Variants in FBXL13 observed in about 807,000 individuals in gnomAD.
FBXL13 encodes the protein F-box and leucine-rich repeat protein 13.
FBXL13 carries 67 observed loss-of-function variants against 83.6 expected under a neutral mutation model. The ratio of observed to expected loss-of-function variants is 0.80; its 90% CI spans 0.66 to 0.98. FBXL13 has a LOEUF of 0.98. Among genes scored for constraint, FBXL13 ranks in the 50% least tolerant of loss-of-function variants. The pLI is 0.00. For synonymous variants in FBXL13, 272 were observed against 299.5 expected, an observed-to-expected ratio of 0.91 and a Z score of 0.95; for missense variants, 822 against 866.5, an observed-to-expected ratio of 0.95 and a Z score of 0.64.
intron 16 of FBXL13, among the ~76,000 whole-genome samples, chr7:102,868,799 C>G (rs1256338600): frequency 6.6e-6 from 1 of 152,222 alleles, no homozygotes; most frequent in African/African-American, 2.4e-5. Context: ...TCCCAAGTAG[C>G]TGGGATCACA....
intron 16 of FBXL13, among the ~76,000 whole-genome samples, chr7:102,869,885 C>A (rs895662769): frequency 6.6e-6 from 1 of 152,054 alleles, no homozygotes; most frequent in Non-Finnish European, 1.5e-5. Context: ...AAGGTGAGTA[C>A]GAGAAACAGT....
At position 102,967,270 on chromosome 7, in the gene FBXL13, C is replaced by CTTT. The variant is rs56060851; in HGVS notation, c.591+749_591+751dup. Among the ~76,000 whole-genome samples the CTTT allele has an allele frequency of 4.6e-3, 691 of 148,904 alleles. 8 individuals carry two copies. The highest frequency in any genetic ancestry group is 0.016 in the African/African-American group (636 of 39,990). On this transcript the variant is annotated intron_variant, in intron 7 of 19. Transcript: ENST00000313221. ...ACTGCACCCAGCCAATCCTCTCTTT[C>CTTT]TTTTTTTTTTTTTTTTGAATGATAC...
At chr7:103,038,720 C>T (rs1034583274) in intron 2 of FBXL13, among the ~76,000 whole-genome samples, 1 of 152,206 alleles carries the variant, frequency 6.6e-6, no homozygotes, top group Non-Finnish European at 1.5e-5. Context: ...AGACTGGCAG[C>T]TCAGGGGTCT....
chr7:102,876,371 G>C (rs1188176570), intron 16 of FBXL13, among the ~76,000 whole-genome samples: 1 of 152,102 alleles, frequency 6.6e-6, no homozygotes, highest in Non-Finnish European at 1.5e-5. Context: ...GCCATAATGA[G>C]TTGACTCCAT....
At chr7:102,989,254 GATA>G (rs1186534551) in intron 6 of FBXL13, among the ~76,000 whole-genome samples, 1 of 152,206 alleles carries the variant, frequency 6.6e-6, no homozygotes, top group East Asian at 1.9e-4. Flanking sequence ...AGAAACAAAA[GATA>G]ATGAGGCCGC....
chr7:103,016,126 C>T (rs931001942), intron 6 of FBXL13, among the ~76,000 whole-genome samples: 1 of 152,102 alleles, frequency 6.6e-6, no homozygotes, highest in African/African-American at 2.4e-5. Context: ...TATCAAACTA[C>T]CAATGACATT....
At position 102,926,376 on chromosome 7, in the gene FBXL13, T is replaced by C. The variant is rs780884850; in HGVS notation, c.778-2A>G. On this transcript the variant is annotated splice_acceptor_variant, in intron 9 of 19. Coordinates refer to ENST00000313221, the Ensembl canonical transcript of FBXL13. LOFTEE classifies it high-confidence loss of function. ...AGAAATGTGTCTCATTGATTCATCC[T>C]GCATGAAAAACAGAGGGAAGAGGCT... is the stretch of plus-strand genomic sequence containing the variant. 2 of 1,611,354 alleles carry C rather than the reference T, an allele frequency of 1.2e-6. No individual in the cohort carries two copies. The highest frequency in any genetic ancestry group is 1.7e-6 in the Non-Finnish European group (2 of 1,178,610).
chr7:102,956,232 T>C (rs10953375), intron 8 of FBXL13, among the ~76,000 whole-genome samples: 147,900 of 152,220 alleles, frequency 0.97, 72,009 homozygotes, highest in East Asian at 1. Context: ...GTTCAACATA[T>C]GCAAATCAAT....
intron 8 of FBXL13, chr7:102,944,694 C>T (rs1822147379): frequency 1.7e-6 from 2 of 1,201,712 alleles, no homozygotes; most frequent in Admixed American, 2.6e-5. Context: ...AACTGTGTTG[C>T]CTATTTATGC....
chr7:103,013,497 A>G (rs1791887424), intron 6 of FBXL13, among the ~76,000 whole-genome samples: 1 of 152,252 alleles, frequency 6.6e-6, no homozygotes, highest in Non-Finnish European at 1.5e-5. Context: ...AAAGCATACA[A>G]TTACATGGAA....
intron 8 of FBXL13, chr7:102,936,352 G>C (rs1272824030): frequency 6.6e-6 from 1 of 152,176 alleles, no homozygotes; most frequent in Non-Finnish European, 1.5e-5. Context: ...AGTGAATCTT[G>C]GTCTATCTGA....
At chr7:102,932,483 G>C (rs1021523219) in intron 8 of FBXL13, among the ~76,000 whole-genome samples, 1 of 9,198 alleles carries the variant, frequency 1.1e-4, no homozygotes, top group Non-Finnish European at 3.0e-4. Context: ...GCAGACACCA[G>C]TACACTTCCC....
At chr7:102,826,064 A>G (rs1015893265) in intron 18 of FBXL13, among the ~76,000 whole-genome samples, 8 of 152,088 alleles carry the variant, frequency 5.3e-5, no homozygotes, top group Non-Finnish European at 2.9e-5. Context: ...TTTTAGTAGG[A>G]CCTCTTTATA....
chr7:102,924,724 CTCCGCCTCCTGGGT>C (rs1817740806), intron 10 of FBXL13, among the ~76,000 whole-genome samples: 2 of 148,198 alleles, frequency 1.3e-5, no homozygotes, highest in Admixed American at 1.4e-4. Flanking sequence ...TCACTGCAAG[CTCCGCCTCCTGGGT>C]TCATGCCATT....
chr7:102,897,314 G>T (rs940449175), intron 11 of FBXL13, among the ~76,000 whole-genome samples: 8 of 151,966 alleles, frequency 5.3e-5, no homozygotes, highest in Admixed American at 5.3e-4. Context: ...GTGCTTAAGG[G>T]ATTGAGAGAT....
At chr7:102,854,377 G>C (rs922312604) in intron 17 of FBXL13, among the ~76,000 whole-genome samples, 2 of 152,072 alleles carry the variant, frequency 1.3e-5, no homozygotes, top group Non-Finnish European at 2.9e-5. Context: ...GTTGTGGGGT[G>C]GGGGGAGAGG....
Position 103,030,140 on chromosome 7 carries a change from G to A in FBXL13, c.1-722C>T, listed in dbSNP as rs989956089. ...TATGGTCACATCTATTTGGTGTATA[G>A]GTAAGTTTGGTTCAAATCTATACCA... On this transcript the variant is annotated intron_variant, in intron 2 of 19. Transcript: ENST00000313221. 2.0e-5 allele frequency: 3 copies of A among 152,192 alleles called. No homozygotes were observed. In the East Asian group the frequency reaches 5.8e-4, roughly 29 times the overall value. The allele number at this position is 152,192 out of a possible 1,614,324, so 9.4% of individuals were successfully genotyped here.
intron 8 of FBXL13, among the ~76,000 whole-genome samples, chr7:102,942,569 T>A (rs1406639224): frequency 1.3e-5 from 2 of 152,214 alleles, no homozygotes; most frequent in African/African-American, 4.8e-5. Flanking sequence ...TGTTTACATA[T>A]GCTTTTAATC....
At chr7:102,860,766 C>T (rs1313831839) in intron 16 of FBXL13, among the ~76,000 whole-genome samples, 9 of 152,028 alleles carry the variant, frequency 5.9e-5, no homozygotes, top group African/African-American at 2.2e-4. Context: ...AAACAGAAAA[C>T]ATGCTTCCCC....
Sources: gnomAD v4.1 joint callset for allele counts (sites outside exome capture counted in the v4.1 genomes callset) on GRCh38, gnomAD v4.1.1 for gene constraint, MANE v1.5 for transcripts, NCBI Gene and HGNC (gene_info 2026-07-23, HGNC 2026-07-21) for gene names.